The following CEP192 variants were observed in gnomAD, a reference collection of about 807,000 sequenced individuals.
The protein encoded by CEP192 is centrosomal protein 192, also known as centrosomal protein of 192 kDa.
In CEP192, 151 loss-of-function variants were observed where a neutral mutation model predicts 271.8. The observed-to-expected ratio is 0.56, with a 90% confidence interval of 0.49 to 0.64. The LOEUF is 0.64. Among genes scored for constraint, CEP192 ranks in the 30% least tolerant of loss-of-function variants. The pLI, the probability that CEP192 is intolerant of heterozygous loss-of-function variation, is 0.00. For synonymous variants in CEP192, 995 were observed against 1,076.5 expected (o/e 0.92, Z 1.48); for missense variants, 2,910 against 3,020.5 (o/e 0.96, Z 0.86).
At chr18:13,015,997 C>T (rs574932050) in intron 6 of CEP192, among the ~76,000 whole-genome samples, 3 of 152,228 alleles carry the variant, frequency 2.0e-5, no homozygotes, top group Non-Finnish European at 4.4e-5. Context: ...CTGCCCACCT[C>T]GGCCTCCCAA....
intron 44 of CEP192, among the ~76,000 whole-genome samples, chr18:13,118,412 G>A (rs1319530765): frequency 3.3e-5 from 5 of 152,210 alleles, no homozygotes; most frequent in Non-Finnish European, 7.3e-5. Flanking sequence ...CAGCGGTGCT[G>A]TACAGTTGAA....
chr18:13,010,994 A>C (rs146910415), intron 4 of CEP192, among the ~76,000 whole-genome samples: 34 of 152,256 alleles, frequency 2.2e-4, no homozygotes, highest in African/African-American at 8.2e-4. Flanking sequence ...TGGGAGGCCG[A>C]GGTGAGCGGA....
intron 15 of CEP192, among the ~76,000 whole-genome samples, chr18:13,043,962 G>A (rs1218985313): frequency 1.3e-5 from 2 of 152,038 alleles, no homozygotes; most frequent in African/African-American, 2.4e-5. Flanking sequence ...CATGGGAAGT[G>A]GGGTATCCAT....
At chr18:13,063,822 T>A in intron 21 of CEP192, among the ~76,000 whole-genome samples, 1 of 146,490 alleles carries the variant, frequency 6.8e-6, no homozygotes, top group African/African-American at 2.5e-5. Context: ...TTTCCCCAAT[T>A]TTTTTTTTTT....
At chr18:13,069,509 G>A (rs1483643952) in intron 26 of CEP192, among the ~76,000 whole-genome samples, 2 of 152,182 alleles carry the variant, frequency 1.3e-5, no homozygotes, top group African/African-American at 4.8e-5. Flanking sequence ...GGGTGAATGA[G>A]AGGGGGTTAG....
chr18:13,008,568 G>A lies in CEP192; in HGVS notation c.403G>A (p.Ala135Thr). 6.4e-7 allele frequency: 1 copy of A among 1,551,670 alleles called. No individual in the cohort carries two copies. The highest frequency in any genetic ancestry group is 8.7e-7 in the Non-Finnish European group (1 of 1,146,960). ...TAGPEEEPAGATESLQGQDLF... is the reference protein window; with the variant it reads ...TAGPEEEPAGTTESLQGQDLF... The stretch of plus-strand genomic sequence containing the variant: ...AGGACCAGAAGAGGAGCCAGCCGGA[G>A]CTACAGAATCCTTGCAGGGCCAAGA... The change falls in exon 4 of 45, where the codon GCT (alanine) becomes ACT (threonine). Residue 135 changes from alanine to threonine, a missense_variant. Ala to Thr is a moderately conservative substitution (Grantham distance 58). Coordinates refer to ENST00000506447, the MANE Select transcript of CEP192 (RefSeq NM_032142.4).
Position 13,017,348 on chromosome 18 carries a change from T to A in CEP192, c.789+12T>A. On this transcript the variant is annotated intron_variant, in intron 7 of 44. Transcript: ENST00000506447. ...ATGGTCTTAGACAGGTGTGTTCCAG[T>A]CTTTATGATTTTTCAGAAATTTGAC... is the stretch of plus-strand genomic sequence containing the variant. The A allele has an allele frequency of 6.7e-7, 1 of 1,498,680 alleles. No individual in the cohort carries two copies. Among genetic ancestry groups the A allele is most frequent in the East Asian group, 2.5e-5 (1 of 40,026 alleles). 92.8% of individuals were successfully genotyped at this position (1,498,680 alleles called of 1,614,324 possible). A position where few individuals can be genotyped will look rare whatever the true frequency, so the allele number is the denominator to read the frequency against.
chr18:13,049,846 T>G lies in CEP192; in HGVS notation c.2972T>G (p.Leu991Arg), dbSNP rs766628634. ...AGCTTCAGACCTTCCACGTCACCAC[T>G]GAGTCATTCTTCTCCTAGTGAAATT... Reference protein sequence around the residue: ...QESFRPSTSPLSHSSPSEISG... With the variant: ...QESFRPSTSPRSHSSPSEISG... Residue 991 changes from leucine (L) to arginine (R), a missense_variant, in exon 17 of 45, where the codon CTG (leucine) becomes CGG (arginine). Leu to Arg is a moderately radical substitution (Grantham distance 102). Coordinates refer to ENST00000506447, the MANE Select transcript of CEP192 (RefSeq NM_032142.4). 3.1e-6 allele frequency: 5 copies of G among 1,613,814 alleles called. No individual in the cohort carries two copies. Among genetic ancestry groups the G allele is most frequent in the Non-Finnish European group, 4.2e-6 (5 of 1,179,806 alleles).
chr18:13,035,903 G>C (rs2143689596), intron 11 of CEP192, among the ~76,000 whole-genome samples: 1 of 152,236 alleles, frequency 6.6e-6, no homozygotes, highest in African/African-American at 2.4e-5. Flanking sequence ...CTAGCCGTTT[G>C]GGAAGCCAAG....
Position 13,017,208 on chromosome 18 carries a change from A to G in CEP192, c.661A>G (p.Met221Val). The G allele has an allele frequency of 6.5e-7, 1 of 1,546,952 alleles. No individual in the cohort carries two copies. The highest frequency in any genetic ancestry group is 8.7e-7 in the Non-Finnish European group (1 of 1,145,594). ...AATAGATGATGATATTGATGATGAA[A>G]TGTTTTATGATGATCATTTGGAGGC... ...DSSDDDIDDEMFYDDHLEAYF... is the reference protein window; with the variant it reads ...DSSDDDIDDEVFYDDHLEAYF... The change falls in exon 7 of 45, where the codon ATG becomes GTG. Residue 221 changes from methionine to valine, a missense_variant. Met to Val is a conservative substitution (Grantham distance 21). Coordinates refer to ENST00000506447, the MANE Select transcript of CEP192 (RefSeq NM_032142.4).
chr18:13,067,358 G>T (rs1418834309), intron 21 of CEP192, among the ~76,000 whole-genome samples: 7 of 152,098 alleles, frequency 4.6e-5, no homozygotes, highest in Admixed American at 4.6e-4. Context: ...TCTGAGTTTG[G>T]TTGGTTTCCC....
At chr18:13,116,727 A>G (rs2040449983) in intron 43 of CEP192, among the ~76,000 whole-genome samples, 1 of 152,064 alleles carries the variant, frequency 6.6e-6, no homozygotes, top group African/African-American at 2.4e-5. Flanking sequence ...CTCCTGCCTC[A>G]GCCTCCTGAG....
chr18:13,010,793 C>T (rs1470014459), intron 4 of CEP192, among the ~76,000 whole-genome samples: 3 of 151,688 alleles, frequency 2.0e-5, no homozygotes, highest in African/African-American at 7.3e-5. Context: ...TTGCGGTGAG[C>T]CGAGATCGCG....
At chr18:13,027,807 A>T (rs2035389725) in intron 9 of CEP192, among the ~76,000 whole-genome samples, 1 of 151,968 alleles carries the variant, frequency 6.6e-6, no homozygotes, top group African/African-American at 2.4e-5. Context: ...CAAGTGTTGT[A>T]TATGAAAAGC....
intron 30 of CEP192, among the ~76,000 whole-genome samples, chr18:13,081,055 G>A (rs957639985): frequency 1.3e-5 from 2 of 152,152 alleles, no homozygotes; most frequent in African/African-American, 4.8e-5. Flanking sequence ...TTTTATTGAA[G>A]ATTTTCCCAT....
chr18:13,023,676 T>C (rs1239036175), intron 9 of CEP192, among the ~76,000 whole-genome samples: 3 of 152,118 alleles, frequency 2.0e-5, no homozygotes, highest in South Asian at 4.1e-4. Flanking sequence ...ATGGGAGAAA[T>C]TGGTCAGTAG....
chr18:12,992,734 C>T (rs1026944224), intron 1 of CEP192, among the ~76,000 whole-genome samples: 1 of 152,178 alleles, frequency 6.6e-6, no homozygotes, highest in Admixed American at 6.5e-5. Context: ...GGTTTTGTTA[C>T]CTTTGCACCC....
In CEP192 at chr18:13,000,091, C is replaced by CTCTCTCTTTT. The variant is rs1555698196; in HGVS notation, c.164+504_164+505insCTCTCTTTTT. On this transcript the variant is annotated intron_variant, in intron 2 of 44. Transcript: ENST00000506447. Reference sequence around the variant, plus strand: ...CTCTGTATAACTCATTGTCTTCTCTCTTTTTTTTTTTTTTTTTTTTTTTTT... The same window carrying CTCTCTCTTTT: ...CTCTGTATAACTCATTGTCTTCTCTCTCTCTCTTTTTTTTTTTTTTTTTTTTTTTTTTTTT... 6.6e-4 allele frequency among the ~76,000 whole-genome samples: 51 copies of CTCTCTCTTTT among 76,746 alleles called. 1 individual carries two copies. The highest frequency in any genetic ancestry group is 2.1e-3 in the African/African-American group (50 of 23,490). 50.3% of individuals were successfully genotyped at this position (76,746 alleles called of 152,430 possible).
At chr18:13,118,798 A>ACATCAT (rs3837874) in intron 44 of CEP192, among the ~76,000 whole-genome samples, 6 of 151,994 alleles carry the variant, frequency 3.9e-5, no homozygotes, top group Non-Finnish European at 7.4e-5. Flanking sequence ...TCAGGTGTTA[A>ACATCAT]CATCATCATC....
Sources: allele counts gnomAD v4.1 joint callset (sites outside exome capture counted in the v4.1 genomes callset), GRCh38; gene constraint gnomAD v4.1.1; transcripts MANE v1.5; gene names NCBI Gene and HGNC (gene_info 2026-07-23, HGNC 2026-07-21).